The following ZNF267 variants were observed in gnomAD, a reference collection of about 807,000 sequenced individuals.
ZNF267 encodes zinc finger (C2H2).
Under a neutral mutation model 71.6 loss-of-function variants are expected in ZNF267, and 61 were observed. The ratio of observed to expected loss-of-function variants is 0.85; its 90% CI spans 0.69 to 1.05. The LOEUF (loss-of-function observed/expected upper bound fraction) is 1.05, where lower values mean the gene tolerates loss of function less well. Ranked by LOEUF, ZNF267 falls within the 50% of genes least tolerant of loss-of-function variation. ZNF267 has a pLI of 0.00. For synonymous variants in ZNF267, 288 were observed against 293.2 expected (o/e 0.98, Z 0.18); for missense variants, 852 against 870.0 (o/e 0.98, Z 0.26).
At chr16:31,894,553 C>A in intron 3 of ZNF267, 1 of 509,906 alleles carries the variant, frequency 2.0e-6, no homozygotes, top group South Asian at 1.5e-5. Flanking sequence ...AAGTGCTGCT[C>A]ATAATCGCGC....
At position 31,910,860 on chromosome 16, in the gene ZNF267, T is replaced by C. The variant is rs996056910; in HGVS notation, c.227-3616T>C. ...ATCTATACATTTCTCAGTACTGCTT[T>C]TGCTGTATCCCATAGGTTTTGGTAT... On this transcript the variant is annotated intron_variant, in intron 3 of 3. Coordinates refer to ENST00000300870, the MANE Select transcript of ZNF267 (RefSeq NM_003414.6). Among the ~76,000 whole-genome samples the C allele has an allele frequency of 1.3e-5, 2 of 151,616 alleles. 1 individual carries two copies. Among genetic ancestry groups the C allele is most frequent in the African/African-American group, 4.9e-5 (2 of 41,026 alleles).
intron 3 of ZNF267, 168 bp from the exon 4 acceptor site, chr16:31,914,308 C>A: frequency 1.7e-6 from 1 of 602,790 alleles, no homozygotes; most frequent in East Asian, 3.0e-5. Flanking sequence ...AGTTCACGTG[C>A]CACTTTATTG....
intron 3 of ZNF267, among the ~76,000 whole-genome samples, chr16:31,889,829 A>G (rs979086947): frequency 2.0e-5 from 3 of 152,164 alleles, no homozygotes; most frequent in Non-Finnish European, 4.4e-5. Context: ...TATTATTCAG[A>G]CACCCCATAT....
At chr16:31,879,314 A>C (rs1342480784) in intron 1 of ZNF267, among the ~76,000 whole-genome samples, 7 of 152,210 alleles carry the variant, frequency 4.6e-5, no homozygotes, top group Admixed American at 3.3e-4. Context: ...CAGGTCTTCT[A>C]TTGAGGACTA....
At chr16:31,912,002 T>C (rs1331045842) in intron 3 of ZNF267, 1 of 151,754 alleles carries the variant, frequency 6.6e-6, no homozygotes, top group African/African-American at 2.4e-5. Flanking sequence ...GTTCTCTTTA[T>C]GTCTTATTGT....
At chr16:31,908,973 T>C (rs890207484) in intron 3 of ZNF267, among the ~76,000 whole-genome samples, 2 of 152,114 alleles carry the variant, frequency 1.3e-5, no homozygotes, top group African/African-American at 2.4e-5. Flanking sequence ...AGTATTTTCA[T>C]AGGGATTGCA....
rs985784482 is a variant in ZNF267 at position 31,897,927 on chromosome 16, T to C, written c.226+12671T>C. ...AATGTACCATATGTGATTAAAGACA[T>C]TGTGTATTTTGCTGTTGTTGGGTGA... On this transcript the variant is annotated intron_variant, in intron 3 of 3. Transcript: ENST00000300870. Among the ~76,000 whole-genome samples, 9 of 152,280 alleles carry C rather than the reference T, an allele frequency of 5.9e-5. No individual in the cohort carries two copies. The South Asian group carries it at 1.2e-3, about 21-fold the overall frequency.
In ZNF267 at chr16:31,884,523, C is replaced by T. The variant is rs1199910508; in HGVS notation, c.29C>T (p.Ala10Val). The change falls in exon 2 of 4, where the codon GCC becomes GTC. Residue 10 changes from alanine to valine, a missense_variant. Ala to Val is a moderately conservative substitution (Grantham distance 64). Coordinates refer to ENST00000300870, the MANE Select transcript of ZNF267 (RefSeq NM_003414.6). ...GGACTGTTGACATTCAGGGATGTGGCCGTAGAATTCTCTTTGGAGGAGTGG... is the reference window on the plus strand; with the variant it reads ...GGACTGTTGACATTCAGGGATGTGGTCGTAGAATTCTCTTTGGAGGAGTGG... MGLLTFRDV[A>V]VEFSLEEWEH... 6.2e-7 allele frequency: 1 copy of T among 1,614,042 alleles called. No individual in the cohort carries two copies. Among genetic ancestry groups the T allele is most frequent in the African/African-American group, 1.3e-5 (1 of 75,010 alleles).
At chr16:31,912,655 CT>C (rs1465612128) in intron 3 of ZNF267, 1 of 151,642 alleles carries the variant, frequency 6.6e-6, no homozygotes, top group Admixed American at 6.6e-5. Flanking sequence ...AGGCTAACAA[CT>C]CTTAGATTTG....
At chr16:31,906,563 A>T (rs1050720258) in intron 3 of ZNF267, among the ~76,000 whole-genome samples, 1 of 152,174 alleles carries the variant, frequency 6.6e-6, no homozygotes, top group Non-Finnish European at 1.5e-5. Flanking sequence ...CCGTGGGTGT[A>T]GGAACCTCCG....
rs1567239651 is a variant in ZNF267 at position 31,914,849 on chromosome 16, C to G, written c.600C>G (p.Val200=). Residue 200 remains valine, a synonymous_variant, in exon 4 of 4, where the codon GTC becomes GTG. Transcript: ENST00000300870. ...AAACTTCAGTGTTATTTAGGCAGGT[C>G]TCTACTCTAAATAGTTACCGAAATG... ...YDKTSVLFRQ[V]STLNSYRNVF... 2 of 1,610,976 alleles carry G rather than the reference C, an allele frequency of 1.2e-6. No individual in the cohort carries two copies. The highest frequency in any genetic ancestry group is 2.2e-5 in the East Asian group (1 of 44,834).
chr16:31,914,784 G>A lies in ZNF267; in HGVS notation c.535G>A (p.Glu179Lys), dbSNP rs143101465. 8.2e-5 allele frequency: 132 copies of A among 1,613,262 alleles called. No homozygotes were observed. The highest frequency in any genetic ancestry group is 7.3e-4 in the African/African-American group (55 of 74,832). ...FTHSSLLNQQ[E>K]EIDIWGKHHI... ...TCATTCATCATTGCTTAATCAACAA[G>A]AGGAAATAGATATTTGGGGAAAACA... Residue 179 changes from glutamate to lysine, a missense_variant, in exon 4 of 4, where the codon GAG becomes AAG. By Grantham distance (56) the Glu-to-Lys change is moderately conservative (BLOSUM62 1). Transcript: ENST00000300870.
chr16:31,915,636 CTT>C lies in ZNF267; in HGVS notation c.1389_1390del (p.Tyr464GlnfsTer3). 6.2e-7 allele frequency: 1 copy of C among 1,613,870 alleles called. No individual in the cohort carries two copies. The highest frequency in any genetic ancestry group is 8.5e-7 in the Non-Finnish European group (1 of 1,179,976). On this transcript the variant is annotated frameshift_variant, in exon 4 of 4. Transcript: ENST00000300870. LOFTEE classifies it high-confidence loss of function. ...QHQTTHTGEK[L>X]YKCKVCSKSY... ...TCAGACAACTCATACAGGAGAAAAA[CTT>C]TACAAATGTAAAGTATGTAGCAAAT... is the stretch of plus-strand genomic sequence containing the variant.
intron 1 of ZNF267, among the ~76,000 whole-genome samples, chr16:31,879,682 C>T (rs2083876452): frequency 6.6e-6 from 1 of 152,186 alleles, no homozygotes; most frequent in Non-Finnish European, 1.5e-5. Flanking sequence ...TCTTCAGTCG[C>T]TTCTAGAATA....
At position 31,873,824 on chromosome 16, in the gene ZNF267, C is replaced by G. The variant is rs558306958; in HGVS notation, c.-143C>G. The stretch of plus-strand genomic sequence containing the variant: ...TCGGCTCCAGTTAGAGCTCGGGTCT[C>G]CTCGCCACAGCTCCGAGTCTTTCGT... On this transcript the variant is annotated 5_prime_UTR_variant, in exon 1 of 4. Coordinates refer to ENST00000300870, the MANE Select transcript of ZNF267 (RefSeq NM_003414.6). The G allele has an allele frequency of 8.4e-7, 1 of 1,190,954 alleles. No homozygotes were observed. The highest frequency in any genetic ancestry group is 1.5e-5 in the African/African-American group (1 of 66,426). The allele number at this position is 1,190,954 out of a possible 1,614,324, so 73.8% of individuals were successfully genotyped here.
chr16:31,899,302 T>A (rs1417762760), intron 3 of ZNF267, among the ~76,000 whole-genome samples: 1 of 152,154 alleles, frequency 6.6e-6, no homozygotes, highest in Admixed American at 6.5e-5. Context: ...CTTCAGCAAA[T>A]GTAAAAGAAC....
At chr16:31,885,517 C>T (rs185041011) in intron 3 of ZNF267, among the ~76,000 whole-genome samples, 12 of 152,296 alleles carry the variant, frequency 7.9e-5, no homozygotes, top group Admixed American at 7.8e-4. Context: ...CTGTGAGGGC[C>T]TGCTTGATCT....
chr16:31,913,262 C>T (rs1212636791), intron 3 of ZNF267: 2 of 152,164 alleles, frequency 1.3e-5, no homozygotes, highest in African/African-American at 4.8e-5. Context: ...TCTGGATTAC[C>T]AAGCAGAGAC....
intron 3 of ZNF267, among the ~76,000 whole-genome samples, chr16:31,900,551 T>G (rs1465325875): frequency 1.3e-5 from 2 of 152,088 alleles, no homozygotes; most frequent in Non-Finnish European, 2.9e-5. Context: ...TTCACGCCAT[T>G]CTCCTGCCTC....
Sources: gnomAD v4.1 joint callset for allele counts (sites outside exome capture counted in the v4.1 genomes callset) on GRCh38, gnomAD v4.1.1 for gene constraint, MANE v1.5 for transcripts, NCBI Gene and HGNC (gene_info 2026-07-23, HGNC 2026-07-21) for gene names.